Variants in GAREM1 observed in about 807,000 individuals in gnomAD.
GAREM1 encodes the protein GRB2 associated regulator of MAPK1 subtype 1.
Under a neutral mutation model 71.3 loss-of-function variants are expected in GAREM1, and 26 were observed. The observed-to-expected ratio is 0.36, with a 90% CI of 0.27 to 0.51. The LOEUF is 0.51. Ranked by LOEUF, GAREM1 falls within the 20% of genes least tolerant of loss-of-function variation. GAREM1 has a pLI of 0.95. For synonymous variants in GAREM1, 440 were observed against 433.2 expected (o/e 1.02, Z -0.20); for missense variants, 1,026 against 1,103.1 (o/e 0.93, Z 0.99).
chr18:32,288,146 C>T lies in GAREM1; in HGVS notation c.451G>A (p.Gly151Arg). The T allele has an allele frequency of 6.2e-7, 1 of 1,614,060 alleles. No individual in the cohort carries two copies. The highest frequency in any genetic ancestry group is 8.5e-7 in the Non-Finnish European group (1 of 1,179,998). Reference sequence around the variant, plus strand: ...TGCCCCATTAGAGTGAGTTCATCCCCAGTACACAGGGTGATGTTGTAAACT... The same window carrying T: ...TGCCCCATTAGAGTGAGTTCATCCCTAGTACACAGGGTGATGTTGTAAACT... ...TEVYNITLCT[G>R]DELTLMGQAE... The change falls in exon 4 of 6, where the codon GGG becomes AGG. Residue 151 changes from glycine to arginine, a missense_variant. By Grantham distance (125) the Gly-to-Arg change is moderately radical. Around this residue, in one of 3 missense-constraint regions of GAREM1, gnomAD observed 218 missense variants for 296.8 expected, o/e 0.73. Coordinates refer to ENST00000269209, the MANE Select transcript of GAREM1 (RefSeq NM_001242409.2).
chr18:32,367,849 T>C (rs182094200), intron 2 of GAREM1, among the ~76,000 whole-genome samples: 85 of 152,194 alleles, frequency 5.6e-4, no homozygotes, highest in African/African-American at 1.9e-3. Context: ...AGATTTCACA[T>C]AGGAGGTGGC....
chr18:32,264,597 A>G lies in GAREM1; in HGVS notation c.*3274T>C, dbSNP rs2144400733. ...AGATTGTTGTATTTCGACATGAGAC[A>G]AGAATAAACACTGCAATTTAGCTGA... On this transcript the variant is annotated 3_prime_UTR_variant, in exon 6 of 6. Coordinates refer to ENST00000269209, the MANE Select transcript of GAREM1 (RefSeq NM_001242409.2). 6.6e-6 allele frequency: 1 copy of G among 152,362 alleles called. No homozygotes were observed. Among genetic ancestry groups the G allele is most frequent in the Middle Eastern group, 3.4e-3 (1 of 294 alleles). The allele number at this position is 152,362 out of a possible 1,614,324, so 9.4% of individuals were successfully genotyped here. A position where few individuals can be genotyped will look rare whatever the true frequency, so the allele number is the denominator to read the frequency against.
intron 2 of GAREM1, among the ~76,000 whole-genome samples, chr18:32,377,421 G>A (rs1447397058): frequency 6.6e-6 from 1 of 152,144 alleles, no homozygotes; most frequent in African/African-American, 2.4e-5. Context: ...GGGCGAGTGA[G>A]GCACTACCCA....
chr18:32,280,384 G>A (rs2041597229), intron 4 of GAREM1, among the ~76,000 whole-genome samples: 1 of 152,152 alleles, frequency 6.6e-6, no homozygotes, highest in Admixed American at 6.5e-5. Flanking sequence ...ACCAGGAGCT[G>A]GCCTGGCCAA....
intron 1 of GAREM1, among the ~76,000 whole-genome samples, chr18:32,469,534 C>A (rs935264714): frequency 1.3e-5 from 2 of 152,168 alleles, no homozygotes; most frequent in African/African-American, 4.8e-5. Flanking sequence ...TGACAGTATG[C>A]GCAACTATGT....
chr18:32,296,224 G>C (rs953709776), intron 3 of GAREM1, among the ~76,000 whole-genome samples: 2 of 152,236 alleles, frequency 1.3e-5, no homozygotes, highest in South Asian at 2.1e-4. Context: ...GCCTCCCAAA[G>C]GGCTGGGATT....
chr18:32,287,423 C>A lies in GAREM1; in HGVS notation c.1174G>T (p.Gly392Cys). ...TCACTGTTGCCATGGAGATTGTTGC[C>A]ATACACACAGACCGAGAGTCGGTGG... ...SFHRLSVCVY[G>C]NNLHGNSEVN... The change falls in exon 4 of 6, where the codon GGC becomes TGC. Residue 392 changes from glycine to cysteine, a missense_variant. Coordinates refer to ENST00000269209, the MANE Select transcript of GAREM1 (RefSeq NM_001242409.2). The surrounding 1 kb of genome is among the most constrained non-coding windows in gnomAD (Gnocchi z 5.9). The A allele has an allele frequency of 1.2e-6, 2 of 1,614,216 alleles. No homozygotes were observed. The highest frequency in any genetic ancestry group is 1.7e-6 in the Non-Finnish European group (2 of 1,180,034).
intron 1 of GAREM1, among the ~76,000 whole-genome samples, chr18:32,462,431 A>G (rs1159915941): frequency 2.0e-5 from 3 of 152,158 alleles, no homozygotes; most frequent in Non-Finnish European, 4.4e-5. Flanking sequence ...AGAAATGCCT[A>G]TTAAGGTGTT....
At chr18:32,301,465 AAAT>A (rs1457954167) in intron 3 of GAREM1, among the ~76,000 whole-genome samples, 5 of 152,180 alleles carry the variant, frequency 3.3e-5, no homozygotes, top group South Asian at 4.1e-4. Context: ...TCTAAATTTA[AAAT>A]ACAGCCAACC....
intron 1 of GAREM1, among the ~76,000 whole-genome samples, chr18:32,429,334 C>A (rs1367977756): frequency 1.3e-5 from 2 of 151,962 alleles, no homozygotes; most frequent in African/African-American, 4.8e-5. Context: ...GCAAGGGATC[C>A]AAAAAGGATC....
intron 1 of GAREM1, among the ~76,000 whole-genome samples, chr18:32,461,701 T>A (rs890511025): frequency 2.6e-5 from 4 of 151,966 alleles, no homozygotes; most frequent in Non-Finnish European, 4.4e-5. Flanking sequence ...TCTCAAAAAA[T>A]AAATAAATAA....
At chr18:32,288,835 C>T (rs1415394786) in intron 3 of GAREM1, among the ~76,000 whole-genome samples, 1 of 151,944 alleles carries the variant, frequency 6.6e-6, no homozygotes, top group South Asian at 2.1e-4. Context: ...GAGTTTCTAA[C>T]TGTATCCATT....
At chr18:32,468,408 C>T (rs1288294523) in intron 1 of GAREM1, among the ~76,000 whole-genome samples, 1 of 152,112 alleles carries the variant, frequency 6.6e-6, no homozygotes, top group African/African-American at 2.4e-5. Flanking sequence ...CAGTATCTGG[C>T]AATGATTCCA....
intron 3 of GAREM1, among the ~76,000 whole-genome samples, chr18:32,305,665 A>G (rs2144509237): frequency 1.3e-5 from 2 of 152,248 alleles, no homozygotes; most frequent in South Asian, 4.1e-4. Context: ...GATTACAGGC[A>G]TGCACCCCCA....
At chr18:32,274,634 T>C (rs2041512752) in intron 4 of GAREM1, among the ~76,000 whole-genome samples, 1 of 152,168 alleles carries the variant, frequency 6.6e-6, no homozygotes, top group Non-Finnish European at 1.5e-5. Flanking sequence ...CTAGTCTATA[T>C]GGGCACGCAG....
intron 1 of GAREM1, among the ~76,000 whole-genome samples, chr18:32,456,459 A>C (rs1323535957): frequency 6.6e-6 from 1 of 152,140 alleles, no homozygotes; most frequent in Non-Finnish European, 1.5e-5. Context: ...GATTTGGAGA[A>C]ATGGTATTCT....
chr18:32,390,912 G>C (rs1039963346), intron 2 of GAREM1, among the ~76,000 whole-genome samples: 1 of 152,174 alleles, frequency 6.6e-6, no homozygotes, highest in Non-Finnish European at 1.5e-5. Flanking sequence ...TTCTCCAGGT[G>C]AATCCAATGT....
intron 2 of GAREM1, 81 bp downstream of exon 2, chr18:32,392,814 A>T (rs2144659228): frequency 6.8e-7 from 1 of 1,465,658 alleles, no homozygotes; most frequent in East Asian, 2.3e-5. Context: ...TCTAGTTTAC[A>T]GACAATTCTT....
In GAREM1 at chr18:32,265,769, C is replaced by G. The variant is rs1405767453; in HGVS notation, c.*2102G>C. On this transcript the variant is annotated 3_prime_UTR_variant, in exon 6 of 6. Coordinates refer to ENST00000269209, the MANE Select transcript of GAREM1 (RefSeq NM_001242409.2). ...AACCTTTATAGTAAACCCAAACCAA[C>G]CCTGTTCCTTCTTCCTGAGTTTGAG... is the stretch of plus-strand genomic sequence containing the variant. 6.6e-6 allele frequency: 1 copy of G among 152,188 alleles called. No homozygotes were observed. The highest frequency in any genetic ancestry group is 6.5e-5 in the Admixed American group (1 of 15,286). The allele number at this position is 152,188 out of a possible 1,614,324, so 9.4% of individuals were successfully genotyped here. A position where few individuals can be genotyped will look rare whatever the true frequency, so the allele number is the denominator to read the frequency against.
Sources: allele counts gnomAD v4.1 joint callset (sites outside exome capture counted in the v4.1 genomes callset), GRCh38; gene constraint gnomAD v4.1.1; regional missense constraint gnomAD v4.1.1; non-coding constraint Gnocchi (gnomAD v3.1); transcripts MANE v1.5; gene names NCBI Gene and HGNC (gene_info 2026-07-23, HGNC 2026-07-21).